The following AIG1 variants were observed in gnomAD, a reference collection of about 807,000 sequenced individuals.
AIG1 encodes the protein androgen induced 1, also known as androgen-induced gene 1 protein.
In AIG1, 23 loss-of-function variants were observed where a neutral mutation model predicts 31.4. The observed-to-expected ratio is 0.73, with a 90% confidence interval of 0.53 to 1.04. The LOEUF is 1.04. AIG1 is among the 50% of genes least tolerant of loss of function. The pLI is 0.00. For synonymous variants in AIG1, 100 were observed against 110.5 expected (o/e 0.90, Z 0.60); for missense variants, 274 against 295.0 (o/e 0.93, Z 0.52).
At chr6:143,209,230 T>C (rs567719490) in intron 3 of AIG1, among the ~76,000 whole-genome samples, 1 of 152,346 alleles carries the variant, frequency 6.6e-6, no homozygotes, top group South Asian at 2.1e-4. Flanking sequence ...AAACATCTAT[T>C]CTATATAGGT....
At position 143,124,210 on chromosome 6, in the gene AIG1, G is replaced by A. The variant is rs922190532; in HGVS notation, c.142-12625G>A. 1.1e-4 allele frequency among the ~76,000 whole-genome samples: 17 copies of A among 152,304 alleles called. No individual in the cohort carries two copies. In the East Asian group the frequency reaches 3.3e-3, roughly 29 times the overall value. On this transcript the variant is annotated intron_variant, in intron 1 of 5. Coordinates refer to ENST00000357847, the MANE Select transcript of AIG1 (RefSeq NM_016108.4). Reference sequence around the variant, plus strand: ...AGCATTTCTCCTTCACAGAAAGGCCGATGTTGAGCTTTCTCAGTAAAGAGC... The same window carrying A: ...AGCATTTCTCCTTCACAGAAAGGCCAATGTTGAGCTTTCTCAGTAAAGAGC...
At chr6:143,062,577 G>A (rs1776351214) in intron 1 of AIG1, among the ~76,000 whole-genome samples, 1 of 152,128 alleles carries the variant, frequency 6.6e-6, no homozygotes, top group South Asian at 2.1e-4. Flanking sequence ...GGGTTGATTG[G>A]CTTGTCAATG....
rs191715102 is a variant in AIG1, at chr6:143,260,196, T to C, written c.400-23914T>C. Among the ~76,000 whole-genome samples the C allele has an allele frequency of 7.9e-4, 120 of 152,162 alleles. No homozygotes were observed. In the East Asian group the frequency reaches 0.02, roughly 25 times the overall value. On this transcript the variant is annotated intron_variant, in intron 3 of 5. Coordinates refer to ENST00000357847, the MANE Select transcript of AIG1 (RefSeq NM_016108.4). The stretch of plus-strand genomic sequence containing the variant: ...CCACCACCACGCCTGGTTAATTTTT[T>C]GTATTTTTAGTAGAGATGGAGTTTC...
intron 3 of AIG1, among the ~76,000 whole-genome samples, chr6:143,177,881 G>A (rs1044654906): frequency 1.3e-4 from 20 of 152,172 alleles, no homozygotes; most frequent in Non-Finnish European, 2.8e-4. Context: ...GGGGTCGCCA[G>A]TGGTGGCATA....
rs1435411841 is a variant in AIG1 at position 143,284,307 on chromosome 6, A to G, written c.515+82A>G. ...TGGGCACATATTTCATTATGGATATAATCACTAACAGATTCACGCTGTGTG... is the reference window on the plus strand; with the variant it reads ...TGGGCACATATTTCATTATGGATATGATCACTAACAGATTCACGCTGTGTG... On this transcript the variant is annotated intron_variant, in intron 4 of 5. Coordinates refer to ENST00000357847, the MANE Select transcript of AIG1 (RefSeq NM_016108.4). This position sits in a 1 kb window ranked among gnomAD's most constrained non-coding sequence, Gnocchi z 4.4. 5.1e-5 allele frequency: 50 copies of G among 981,330 alleles called. No individual in the cohort carries two copies. Among genetic ancestry groups the G allele is most frequent in the Non-Finnish European group, 7.6e-5 (48 of 635,498 alleles). The allele number at this position is 981,330 out of a possible 1,614,324, so 60.8% of individuals were successfully genotyped here.
chr6:143,241,405 C>G (rs958913168), intron 3 of AIG1, among the ~76,000 whole-genome samples: 6 of 152,236 alleles, frequency 3.9e-5, no homozygotes, highest in Non-Finnish European at 7.3e-5. Flanking sequence ...ACTTTTCCCT[C>G]AGGTCCAAAC....
At chr6:143,088,266 CTT>C (rs72556194) in intron 1 of AIG1, among the ~76,000 whole-genome samples, 1 of 146,794 alleles carries the variant, frequency 6.8e-6, no homozygotes, top group Non-Finnish European at 1.5e-5. Flanking sequence ...CACTGCACAT[CTT>C]TTTTTTTTTG....
chr6:143,103,501 CTTTTTTT>C (rs1173435325), intron 1 of AIG1, among the ~76,000 whole-genome samples: 52 of 84,212 alleles, frequency 6.2e-4, no homozygotes, highest in East Asian at 8.1e-4. Context: ...CAGAAGTTTT[CTTTTTTT>C]TTTTTTTTTT....
At chr6:143,189,400 A>G in intron 3 of AIG1, 1 of 979,548 alleles carries the variant, frequency 1.0e-6, no homozygotes, top group Non-Finnish European at 1.2e-6. Context: ...CATTTTATAT[A>G]GTAACTTATT....
At chr6:143,278,570 G>A (rs1468348142) in intron 3 of AIG1, among the ~76,000 whole-genome samples, 1 of 151,380 alleles carries the variant, frequency 6.6e-6, no homozygotes, top group Non-Finnish European at 1.5e-5. Flanking sequence ...CCAGGTTCAA[G>A]TGATTCTCCT....
chr6:143,167,863 G>T (rs1787111066), intron 3 of AIG1, among the ~76,000 whole-genome samples: 1 of 152,084 alleles, frequency 6.6e-6, no homozygotes, highest in Non-Finnish European at 1.5e-5. Context: ...CAGTTCTTTG[G>T]TTTTCCTCAT....
chr6:143,114,826 A>G (rs1269745553), intron 1 of AIG1, among the ~76,000 whole-genome samples: 3 of 152,230 alleles, frequency 2.0e-5, no homozygotes, highest in African/African-American at 7.2e-5. Context: ...TGTTATATGT[A>G]ATATGCTTTT....
At chr6:143,220,273 A>G (rs1792369413) in intron 3 of AIG1, among the ~76,000 whole-genome samples, 1 of 152,144 alleles carries the variant, frequency 6.6e-6, no homozygotes, top group South Asian at 2.1e-4. Context: ...CATAACATTT[A>G]TTACTATGTA....
intron 3 of AIG1, among the ~76,000 whole-genome samples, chr6:143,260,239 T>C (rs1795658984): frequency 6.6e-6 from 1 of 152,088 alleles, no homozygotes; most frequent in South Asian, 2.1e-4. Context: ...TCTTGATCTC[T>C]TGACCTCGTG....
chr6:143,171,080 G>A (rs1003456442), intron 3 of AIG1, among the ~76,000 whole-genome samples: 14 of 152,010 alleles, frequency 9.2e-5, no homozygotes, highest in South Asian at 4.1e-4. Flanking sequence ...TGTTGGGAGA[G>A]ATATGAACAT....
At chr6:143,237,351 G>C (rs1360096763) in intron 3 of AIG1, among the ~76,000 whole-genome samples, 2 of 152,120 alleles carry the variant, frequency 1.3e-5, no homozygotes, top group Non-Finnish European at 1.5e-5. Flanking sequence ...TCATGAAGAA[G>C]TCTTGTCTCA....
At chr6:143,225,938 C>A (rs1263433737) in intron 3 of AIG1, among the ~76,000 whole-genome samples, 1 of 152,102 alleles carries the variant, frequency 6.6e-6, no homozygotes, top group African/African-American at 2.4e-5. Context: ...AACACATATA[C>A]TTTTTTTAAA....
At chr6:143,337,889 G>A (rs1777628612) in intron 5 of AIG1, 4 of 398,430 alleles carry the variant, frequency 1.0e-5, no homozygotes, top group African/African-American at 6.2e-5. Context: ...TTTGCGATAG[G>A]TTTCTTCCTG....
intron 3 of AIG1, among the ~76,000 whole-genome samples, chr6:143,202,099 A>C (rs968094015): frequency 2.6e-5 from 4 of 151,738 alleles, no homozygotes; most frequent in African/African-American, 9.7e-5. Flanking sequence ...ACTCTTACCA[A>C]CTCTCTTATA....
Sources: gnomAD v4.1 joint callset for allele counts (sites outside exome capture counted in the v4.1 genomes callset) on GRCh38, gnomAD v4.1.1 for gene constraint, Gnocchi (gnomAD v3.1) non-coding constraint, MANE v1.5 for transcripts, NCBI Gene and HGNC (gene_info 2026-07-23, HGNC 2026-07-21) for gene names.